THSD7B: variants seen among roughly 807,000 people sequenced by gnomAD.
THSD7B encodes the protein thrombospondin type-1 domain-containing protein 7B.
THSD7B carries 138 observed loss-of-function variants against 213.6 expected under a neutral mutation model. The ratio of observed to expected loss-of-function variants is 0.65; its 90% confidence interval spans 0.56 to 0.74. The LOEUF (loss-of-function observed/expected upper bound fraction) is 0.74, where lower values mean the gene tolerates loss of function less well. THSD7B is among the 30% of genes least tolerant of loss of function. THSD7B has a pLI of 0.00. For missense variants in THSD7B, 1,931 were observed against 1,991.5 expected (o/e 0.97, Z 0.58); for synonymous variants, 742 against 687.0 (o/e 1.08, Z -1.25).
chr2:137,113,440 T>G (rs796214614), intron 4 of THSD7B, among the ~76,000 whole-genome samples: 12 of 152,186 alleles, frequency 7.9e-5, no homozygotes, highest in African/African-American at 2.9e-4. Flanking sequence ...GTTTTTTTTG[T>G]TTGTTTGTTT....
intron 1 of THSD7B, among the ~76,000 whole-genome samples, chr2:136,816,405 A>AGAGTATATT (rs1353639586): frequency 1.3e-5 from 2 of 152,218 alleles, no homozygotes; most frequent in African/African-American, 2.4e-5. Context: ...TCCTGCTTTA[A>AGAGTATATT]GAGTATATTG....
intron 2 of THSD7B, among the ~76,000 whole-genome samples, chr2:136,989,085 G>T (rs1197740463): frequency 6.6e-6 from 1 of 152,216 alleles, no homozygotes. Flanking sequence ...ATCTCTAGGA[G>T]CAGATGGACA....
chr2:137,232,855 A>G (rs768323943), intron 8 of THSD7B, 44 bp from the exon 9 acceptor site: 23 of 1,588,132 alleles, frequency 1.4e-5, no homozygotes, highest in Non-Finnish European at 1.9e-5. Context: ...CAAAAACAAG[A>G]ACAGCAACCA....
chr2:137,520,192 A>T (rs1336559259), intron 15 of THSD7B, among the ~76,000 whole-genome samples: 3 of 152,206 alleles, frequency 2.0e-5, no homozygotes, highest in African/African-American at 7.2e-5. Flanking sequence ...AAATTAGTTT[A>T]CAGAGAGTGG....
At chr2:137,152,286 C>T (rs1679833952) in intron 5 of THSD7B, among the ~76,000 whole-genome samples, 1 of 152,050 alleles carries the variant, frequency 6.6e-6, no homozygotes, top group African/African-American at 2.4e-5. Context: ...ATTTTTAAAC[C>T]TATTTTTTTC....
intron 12 of THSD7B, among the ~76,000 whole-genome samples, chr2:137,319,772 C>T (rs1247599718): frequency 6.6e-6 from 1 of 152,030 alleles, no homozygotes; most frequent in Non-Finnish European, 1.5e-5. Flanking sequence ...TTAGAGGTGC[C>T]AGCTTAAAAA....
intron 2 of THSD7B, among the ~76,000 whole-genome samples, chr2:137,012,174 T>A (rs1158006790): frequency 6.6e-6 from 1 of 152,236 alleles, no homozygotes; most frequent in African/African-American, 2.4e-5. Flanking sequence ...AATTCAATTG[T>A]AACTAATACT....
chr2:136,888,341 A>G (rs1683754746), intron 2 of THSD7B, among the ~76,000 whole-genome samples: 1 of 152,124 alleles, frequency 6.6e-6, no homozygotes, highest in African/African-American at 2.4e-5. Flanking sequence ...TGCATAAGGA[A>G]TAAAGTATCT....
At chr2:136,790,119 T>G (rs962599942) in intron 1 of THSD7B, among the ~76,000 whole-genome samples, 7 of 148,126 alleles carry the variant, frequency 4.7e-5, no homozygotes, top group Admixed American at 1.4e-4. Flanking sequence ...GTGTGTGTGT[T>G]TGTGTGTGTG....
intron 12 of THSD7B, among the ~76,000 whole-genome samples, chr2:137,300,154 A>G (rs902174422): frequency 2.6e-5 from 4 of 152,174 alleles, no homozygotes; most frequent in Non-Finnish European, 4.4e-5. Context: ...ATTTTATTAT[A>G]CTTAGCATTT....
At chr2:136,928,921 C>G (rs1173681729) in intron 2 of THSD7B, among the ~76,000 whole-genome samples, 1 of 151,910 alleles carries the variant, frequency 6.6e-6, no homozygotes, top group Non-Finnish European at 1.5e-5. Flanking sequence ...GAAAATAGTT[C>G]TATAAACATG....
At chr2:137,581,738 C>G (rs1387074145) in intron 17 of THSD7B, among the ~76,000 whole-genome samples, 1 of 141,146 alleles carries the variant, frequency 7.1e-6, no homozygotes. Flanking sequence ...CCAGCCTGGG[C>G]GACAGAGCGA....
intron 2 of THSD7B, among the ~76,000 whole-genome samples, chr2:136,975,313 G>C (rs978072452): frequency 1.3e-5 from 2 of 151,974 alleles, no homozygotes; most frequent in Non-Finnish European, 2.9e-5. Flanking sequence ...TTTTCTCCTA[G>C]GGTTTTATAG....
chr2:137,407,263 T>C (rs1412601845), intron 13 of THSD7B, among the ~76,000 whole-genome samples: 3 of 152,154 alleles, frequency 2.0e-5, no homozygotes, highest in Non-Finnish European at 4.4e-5. Flanking sequence ...TATTGAAGAA[T>C]AGCTGTACAT....
At chr2:137,048,467 T>G (rs921104611) in intron 2 of THSD7B, among the ~76,000 whole-genome samples, 2 of 152,190 alleles carry the variant, frequency 1.3e-5, no homozygotes, top group Non-Finnish European at 2.9e-5. Flanking sequence ...GAGATATGGG[T>G]TCAGGTACAA....
At chr2:137,457,351 C>A (rs950806483) in intron 15 of THSD7B, among the ~76,000 whole-genome samples, 5 of 152,162 alleles carry the variant, frequency 3.3e-5, no homozygotes, top group Non-Finnish European at 7.4e-5. Context: ...TGCTATGCAC[C>A]TCTAGAATGT....
intron 10 of THSD7B, among the ~76,000 whole-genome samples, chr2:137,261,236 T>A (rs1038254623): frequency 6.7e-6 from 1 of 149,090 alleles, no homozygotes; most frequent in Non-Finnish European, 1.5e-5. Flanking sequence ...GGAAGAGGGA[T>A]GCTTAGGTGA....
chr2:137,591,203 T>C (rs1454653113), intron 17 of THSD7B, among the ~76,000 whole-genome samples: 2 of 151,924 alleles, frequency 1.3e-5, no homozygotes, highest in Non-Finnish European at 2.9e-5. Context: ...TTATTTAATC[T>C]ATTTGGGGAG....
At chr2:137,288,607 A>C (rs983246950) in intron 12 of THSD7B, among the ~76,000 whole-genome samples, 1 of 152,036 alleles carries the variant, frequency 6.6e-6, no homozygotes, top group African/African-American at 2.4e-5. Context: ...AGCTAACTTT[A>C]TGTACAGAGC....
Sources: gnomAD v4.1 joint callset for allele counts (sites outside exome capture counted in the v4.1 genomes callset) on GRCh38, gnomAD v4.1.1 for gene constraint, MANE v1.5 for transcripts, NCBI Gene and HGNC (gene_info 2026-07-23, HGNC 2026-07-21) for gene names.